GRIK4: variants seen among roughly 807,000 people sequenced by gnomAD.
GRIK4 encodes the protein glutamate receptor ionotropic, kainate 4.
Under a neutral mutation model 104.9 loss-of-function variants are expected in GRIK4, and 40 were observed. The observed-to-expected ratio is 0.38, with a 90% confidence interval of 0.30 to 0.50. The LOEUF is 0.50. Ranked by LOEUF, GRIK4 falls within the 20% of genes least tolerant of loss-of-function variation. GRIK4 has a pLI of 0.93. For missense variants in GRIK4, 1,047 were observed against 1,308.1 expected (o/e 0.80, Z 3.08); for synonymous variants, 485 against 524.9 (o/e 0.92, Z 1.04).
chr11:120,727,893 A>G (rs959206419), intron 3 of GRIK4, among the ~76,000 whole-genome samples: 3 of 152,266 alleles, frequency 2.0e-5, no homozygotes, highest in Middle Eastern at 3.4e-3. Flanking sequence ...GAAATTAAGA[A>G]TGTGATAAAT....
chr11:120,719,781 C>T (rs932656764), intron 3 of GRIK4, among the ~76,000 whole-genome samples: 1 of 152,148 alleles, frequency 6.6e-6, no homozygotes, highest in Non-Finnish European at 1.5e-5. Flanking sequence ...GAAAGCTAAG[C>T]AACAATGACT....
At chr11:120,619,684 G>A (rs1158165254) in intron 1 of GRIK4, among the ~76,000 whole-genome samples, 1 of 152,108 alleles carries the variant, frequency 6.6e-6, no homozygotes, top group Non-Finnish European at 1.5e-5. Flanking sequence ...GTTTAAAAGT[G>A]TGTGGCACCT....
intron 13 of GRIK4, among the ~76,000 whole-genome samples, chr11:120,935,883 A>G (rs1270636435): frequency 1.3e-5 from 2 of 152,198 alleles, no homozygotes. Context: ...TGTGTTAACT[A>G]TACAAAAAAA....
At chr11:120,975,649 C>T (rs1169110988) in intron 19 of GRIK4, among the ~76,000 whole-genome samples, 1 of 152,210 alleles carries the variant, frequency 6.6e-6, no homozygotes, top group Non-Finnish European at 1.5e-5. Flanking sequence ...ATAAGCTGAG[C>T]TGTAACTCAC....
At chr11:120,619,266 G>T (rs1213062195) in intron 1 of GRIK4, among the ~76,000 whole-genome samples, 1 of 152,144 alleles carries the variant, frequency 6.6e-6, no homozygotes, top group Non-Finnish European at 1.5e-5. Flanking sequence ...CTTTCTTTTG[G>T]CTTATTTCTC....
At chr11:120,812,455 A>C (rs1335941808) in intron 4 of GRIK4, among the ~76,000 whole-genome samples, 1 of 152,198 alleles carries the variant, frequency 6.6e-6, no homozygotes, top group African/African-American at 2.4e-5. Context: ...GTGGAGATCC[A>C]ACCAGATTGT....
chr11:120,669,083 T>G (rs1185545285), intron 3 of GRIK4, among the ~76,000 whole-genome samples: 2 of 152,190 alleles, frequency 1.3e-5, no homozygotes, highest in African/African-American at 4.8e-5. Context: ...AAACCCTGCT[T>G]TAAATTCACC....
chr11:120,668,449 C>T (rs1949961255), intron 3 of GRIK4, among the ~76,000 whole-genome samples: 1 of 152,044 alleles, frequency 6.6e-6, no homozygotes, highest in Non-Finnish European at 1.5e-5. Context: ...AGAGGCTTAC[C>T]TCTCTGAAAC....
chr11:120,871,455 A>T, intron 9 of GRIK4: 1 of 376,014 alleles, frequency 2.7e-6, no homozygotes, highest in South Asian at 2.0e-5. Flanking sequence ...GAGAGAGTAG[A>T]AGATGATGGA....
At position 120,836,782 on chromosome 11, in the gene GRIK4, G is replaced by T; in HGVS notation, c.691-9G>T. On this transcript the variant is annotated splice_polypyrimidine_tract_variant and intron_variant, in intron 7 of 20. Coordinates refer to ENST00000527524, the MANE Select transcript of GRIK4 (RefSeq NM_014619.5). ...TTTCTTCTCTAATCTCCTTCTCTTCGCCTTGCAGGCAGCCGAACTTGGGAT... is the reference window on the plus strand; with the variant it reads ...TTTCTTCTCTAATCTCCTTCTCTTCTCCTTGCAGGCAGCCGAACTTGGGAT... 6.3e-7 allele frequency: 1 copy of T among 1,594,616 alleles called. No homozygotes were observed.
intron 16 of GRIK4, 95 bp downstream of exon 16, chr11:120,957,048 C>A: frequency 9.0e-7 from 1 of 1,107,242 alleles, no homozygotes; most frequent in Non-Finnish European, 1.3e-6. Context: ...AGCCCCAGAG[C>A]CTCTGCCTCT....
intron 13 of GRIK4, among the ~76,000 whole-genome samples, chr11:120,915,568 C>G (rs1313792050): frequency 6.6e-6 from 1 of 152,110 alleles, no homozygotes; most frequent in East Asian, 1.9e-4. Flanking sequence ...CGTGCGAGCC[C>G]AGCCAATGCC....
chr11:120,904,025 G>A (rs1942809762), intron 12 of GRIK4, among the ~76,000 whole-genome samples: 1 of 152,158 alleles, frequency 6.6e-6, no homozygotes, highest in South Asian at 2.1e-4. Flanking sequence ...CTGCTTCTGT[G>A]TTGTCTTCTG....
intron 18 of GRIK4, among the ~76,000 whole-genome samples, chr11:120,963,217 C>T (rs1020264962): frequency 2.0e-5 from 3 of 152,254 alleles, no homozygotes; most frequent in African/African-American, 4.8e-5. Context: ...TATGGTAGGT[C>T]GGTGTGGGTC....
rs569340254 is a variant in GRIK4 at position 120,936,163 on chromosome 11, T to C, written c.1477-4184T>C. On this transcript the variant is annotated intron_variant, in intron 13 of 20. Coordinates refer to ENST00000527524, the MANE Select transcript of GRIK4 (RefSeq NM_014619.5). ...ACTTGCTTTTCTGCTGCATCGGACT[T>C]TCTTTTAGCTCAGTTTGCAGCAATA... 2.6e-4 allele frequency: 53 copies of C among 202,952 alleles called. 3 individuals are homozygous for C. The highest frequency in any genetic ancestry group is 2.6e-3 in the South Asian group (37 of 14,326). 12.6% of individuals were successfully genotyped at this position (202,952 alleles called of 1,614,324 possible). A position where few individuals can be genotyped will look rare whatever the true frequency, so the allele number is the denominator to read the frequency against.
chr11:120,694,566 AG>A (rs1234273080), intron 3 of GRIK4, among the ~76,000 whole-genome samples: 3 of 152,032 alleles, frequency 2.0e-5, no homozygotes, highest in Non-Finnish European at 4.4e-5. Context: ...GCAGCCACTG[AG>A]GGTGCTCTGG....
Position 120,987,083 on chromosome 11 carries a change from C to G in GRIK4, c.*823C>G, listed in dbSNP as rs1403844744. The G allele has an allele frequency of 6.6e-6, 1 of 152,230 alleles. No individual in the cohort carries two copies. Among genetic ancestry groups the G allele is most frequent in the East Asian group, 1.9e-4 (1 of 5,192 alleles). The allele number at this position is 152,230 out of a possible 1,614,324, so 9.4% of individuals were successfully genotyped here. On this transcript the variant is annotated 3_prime_UTR_variant, in exon 21 of 21. Coordinates refer to ENST00000527524, the MANE Select transcript of GRIK4 (RefSeq NM_014619.5). ...CCTGGAATGTCAAGGGTTAATCTGT[C>G]TTTTCTTTCCCTTTCTCTTTCTGAC...
intron 3 of GRIK4, among the ~76,000 whole-genome samples, chr11:120,755,665 A>AAT (rs1565334168): frequency 1.7e-3 from 260 of 150,600 alleles, no homozygotes; most frequent in African/African-American, 5.9e-3. Flanking sequence ...ATAATAATAA[A>AAT]AATAATTTAC....
intron 3 of GRIK4, among the ~76,000 whole-genome samples, chr11:120,704,653 G>A (rs1950601306): frequency 6.6e-6 from 1 of 152,138 alleles, no homozygotes; most frequent in African/African-American, 2.4e-5. Flanking sequence ...CTGGGGCATG[G>A]TATGTGGTCG....
Sources: allele counts gnomAD v4.1 joint callset (sites outside exome capture counted in the v4.1 genomes callset), GRCh38; gene constraint gnomAD v4.1.1; transcripts MANE v1.5; gene names NCBI Gene and HGNC (gene_info 2026-07-23, HGNC 2026-07-21).